The following ALKBH8 variants were observed in gnomAD, a reference collection of about 807,000 sequenced individuals.
ALKBH8 encodes the protein alkB homolog 8, tRNA methyltransferase.
In ALKBH8, 36 loss-of-function variants were observed where a neutral mutation model predicts 59.8. That is an observed-to-expected ratio of 0.60 (90% confidence interval 0.46 to 0.79). The LOEUF (loss-of-function observed/expected upper bound fraction) is 0.79. Among genes scored for constraint, ALKBH8 ranks in the 30% least tolerant of loss-of-function variants. The pLI, the probability that ALKBH8 is intolerant of heterozygous loss-of-function variation, is 0.00. For missense variants in ALKBH8, 768 were observed against 801.0 expected (o/e 0.96, Z 0.50); for synonymous variants, 276 against 273.6 (o/e 1.01, Z -0.09).
At position 107,553,907 on chromosome 11, in the gene ALKBH8, C is replaced by T; in HGVS notation, c.439G>A (p.Glu147Lys). ...CTTTCCAAAAGCATTTTCTCCTCCT[C>T]AGAAGAAATTATTTCTTCTACTACC... ...LMVVEEIISS[E>K]EEKMLLESVD... Residue 147 changes from glutamate (E) to lysine (K), a missense_variant, in exon 4 of 12, where the codon GAG (glutamate) becomes AAG (lysine). Transcript: ENST00000428149. 3.7e-6 allele frequency: 6 copies of T among 1,613,650 alleles called. No individual in the cohort carries two copies. Among genetic ancestry groups the T allele is most frequent in the Non-Finnish European group, 5.1e-6 (6 of 1,179,678 alleles).
intron 10 of ALKBH8, 83 bp from the exon 11 acceptor site, chr11:107,511,119 G>C: frequency 7.3e-7 from 1 of 1,363,054 alleles, no homozygotes. Flanking sequence ...ATACCTTAAA[G>C]TCATTAGACA....
At chr11:107,523,116 T>C (rs1330885111) in intron 9 of ALKBH8, among the ~76,000 whole-genome samples, 2 of 151,912 alleles carry the variant, frequency 1.3e-5, no homozygotes, top group South Asian at 2.1e-4. Flanking sequence ...ATGGGGTATA[T>C]ATCCAAAGAA....
chr11:107,522,100 G>GA (rs1010416540), intron 10 of ALKBH8, among the ~76,000 whole-genome samples, 199 bp downstream of exon 10: 8 of 151,324 alleles, frequency 5.3e-5, no homozygotes, highest in South Asian at 2.1e-4. Context: ...TCTAAAGGGA[G>GA]AAAAAAAATT....
intron 8 of ALKBH8, among the ~76,000 whole-genome samples, chr11:107,530,314 T>C (rs1863533313): frequency 6.6e-6 from 1 of 152,326 alleles, no homozygotes; most frequent in South Asian, 2.1e-4. Context: ...AAGGCAGTGT[T>C]AACTTTTTTC....
At position 107,556,842 on chromosome 11, in the gene ALKBH8, A is replaced by T. The variant is rs1864735934; in HGVS notation, c.291T>A (p.Tyr97Ter). ...YRTTEESKRA[Y>*]VTLNGKEVVD... ...CTACTTCTTTTCCATTGAGGGTAACATAGGCTCTCTTAGATTCTTCTGTAG... is the reference window on the plus strand; with the variant it reads ...CTACTTCTTTTCCATTGAGGGTAACTTAGGCTCTCTTAGATTCTTCTGTAG... The change falls in exon 3 of 12, where the codon TAT becomes TAA. Residue 97 changes from tyrosine to a stop codon, truncating the protein, a stop_gained. Coordinates refer to ENST00000428149, the MANE Select transcript of ALKBH8 (RefSeq NM_138775.3). LOFTEE classifies it high-confidence loss of function. 6.3e-7 allele frequency: 1 copy of T among 1,581,900 alleles called. No homozygotes were observed.
At chr11:107,548,478 C>T (rs1210326142) in intron 7 of ALKBH8, among the ~76,000 whole-genome samples, 1 of 152,102 alleles carries the variant, frequency 6.6e-6, no homozygotes, top group African/African-American at 2.4e-5. Context: ...CTTTACTGGT[C>T]CCTAAAGCTA....
chr11:107,538,892 TATG>T (rs1273204861), intron 7 of ALKBH8, among the ~76,000 whole-genome samples: 1 of 152,180 alleles, frequency 6.6e-6, no homozygotes, highest in Non-Finnish European at 1.5e-5. Flanking sequence ...CAGGGGACAA[TATG>T]ATGTGAAAAA....
intron 7 of ALKBH8, among the ~76,000 whole-genome samples, chr11:107,541,383 G>A (rs1864027932): frequency 6.6e-6 from 1 of 152,126 alleles, no homozygotes; most frequent in African/African-American, 2.4e-5. Flanking sequence ...TAAAACCCAA[G>A]TCCCCCAACT....
At chr11:107,541,446 T>C (rs1289336637) in intron 7 of ALKBH8, among the ~76,000 whole-genome samples, 1 of 152,212 alleles carries the variant, frequency 6.6e-6, no homozygotes, top group Non-Finnish European at 1.5e-5. Flanking sequence ...CTGAAACCAA[T>C]ACACATAGTC....
At chr11:107,540,559 A>C (rs1018605373) in intron 7 of ALKBH8, among the ~76,000 whole-genome samples, 2 of 152,230 alleles carry the variant, frequency 1.3e-5, no homozygotes, top group African/African-American at 4.8e-5. Flanking sequence ...TTTAGCCACC[A>C]TTGCACATCC....
chr11:107,564,050 C>A (rs1045757423), intron 1 of ALKBH8, among the ~76,000 whole-genome samples: 31 of 152,220 alleles, frequency 2.0e-4, no homozygotes, highest in African/African-American at 7.5e-4. Context: ...ACTTCCCTGG[C>A]CAGAGTTTCC....
intron 8 of ALKBH8, among the ~76,000 whole-genome samples, chr11:107,526,617 T>C (rs1863368829): frequency 6.6e-6 from 1 of 152,024 alleles, no homozygotes; most frequent in Admixed American, 6.6e-5. Context: ...TAATAGTGTG[T>C]TATGAAATCT....
intron 7 of ALKBH8, among the ~76,000 whole-genome samples, chr11:107,546,940 T>C (rs1358490623): frequency 1.3e-5 from 2 of 152,078 alleles, no homozygotes; most frequent in African/African-American, 4.8e-5. Context: ...ATATTAAAGT[T>C]AAGAATACCT....
chr11:107,522,711 A>G (rs376358819), intron 9 of ALKBH8, among the ~76,000 whole-genome samples, 156 bp from the exon 10 acceptor site: 4 of 152,246 alleles, frequency 2.6e-5, no homozygotes, highest in East Asian at 3.9e-4. Flanking sequence ...TAATAAGTCT[A>G]CTGAGGACTG....
Position 107,510,928 on chromosome 11 carries a change from C to T in ALKBH8, c.1396G>A (p.Ala466Thr). The T allele has an allele frequency of 3.2e-6, 5 of 1,551,690 alleles. No individual in the cohort carries two copies. The highest frequency in any genetic ancestry group is 4.4e-6 in the Non-Finnish European group (5 of 1,146,940). The change falls in exon 11 of 12, where the codon GCC becomes ACC. Residue 466 changes from alanine to threonine, a missense_variant. Ala to Thr is a moderately conservative substitution (Grantham distance 58). Transcript: ENST00000428149. Reference sequence around the variant, plus strand: ...TGAATAACAGCAATGGAGATGCAGGCATCACAAGACCCACTGCGGACTGGT... The same window carrying T: ...TGAATAACAGCAATGGAGATGCAGGTATCACAAGACCCACTGCGGACTGGT... ...AVPVRSGSCD[A>T]CISIAVIHHF...
intron 9 of ALKBH8, among the ~76,000 whole-genome samples, chr11:107,524,229 T>C (rs1028733072): frequency 2.6e-5 from 4 of 152,050 alleles, no homozygotes; most frequent in African/African-American, 9.7e-5. Flanking sequence ...TGTCTAAATT[T>C]TGATTTTATT....
chr11:107,535,115 A>G (rs142915095), intron 7 of ALKBH8, among the ~76,000 whole-genome samples: 1,802 of 152,242 alleles, frequency 0.012, 38 homozygotes, highest in African/African-American at 0.04. Context: ...GTAGTATTCC[A>G]TTGTCTATAT....
At chr11:107,505,359 G>A (rs188908701) in intron 11 of ALKBH8, 144 bp from the exon 12 acceptor site, 2 of 760,736 alleles carry the variant, frequency 2.6e-6, no homozygotes, top group African/African-American at 1.8e-5. Context: ...AGGAAAAAAA[G>A]AAGAAAGAGC....
At chr11:107,535,159 T>A (rs1423451985) in intron 7 of ALKBH8, among the ~76,000 whole-genome samples, 1 of 152,220 alleles carries the variant, frequency 6.6e-6, no homozygotes, top group African/African-American at 2.4e-5. Flanking sequence ...CGTTGATTGA[T>A]GGGCATTTGG....
Sources: gnomAD v4.1 joint callset for allele counts (sites outside exome capture counted in the v4.1 genomes callset) on GRCh38, gnomAD v4.1.1 for gene constraint, MANE v1.5 for transcripts, NCBI Gene and HGNC (gene_info 2026-07-23, HGNC 2026-07-21) for gene names.